PLCG2: variants seen among roughly 807,000 people sequenced by gnomAD.
PLCG2 encodes the protein 1-phosphatidylinositol 4,5-bisphosphate phosphodiesterase gamma-2.
PLCG2 carries 69 observed loss-of-function variants against 175.6 expected under a neutral mutation model. That is an observed-to-expected ratio of 0.39 (90% confidence interval 0.32 to 0.48). The LOEUF (loss-of-function observed/expected upper bound fraction) is 0.48. Among genes scored for constraint, PLCG2 ranks in the 20% least tolerant of loss-of-function variants. The pLI is 0.91. For synonymous variants in PLCG2, 827 were observed against 624.0 expected (o/e 1.33, Z -4.85); for missense variants, 1,798 against 1,650.9 (o/e 1.09, Z -1.54).
intron 9 of PLCG2, among the ~76,000 whole-genome samples, chr16:81,884,400 A>G (rs1347715310): frequency 6.6e-6 from 1 of 152,070 alleles, no homozygotes; most frequent in Non-Finnish European, 1.5e-5. Context: ...AAAAAAAGTC[A>G]AAGAAGTATT....
At chr16:81,830,877 A>G (rs1000321043) in intron 2 of PLCG2, among the ~76,000 whole-genome samples, 1 of 151,964 alleles carries the variant, frequency 6.6e-6, no homozygotes, top group Non-Finnish European at 1.5e-5. Context: ...CAGCGTGACT[A>G]GAATGTCCAG....
intron 17 of PLCG2, among the ~76,000 whole-genome samples, 183 bp downstream of exon 17, chr16:81,908,774 A>T (rs568023829): frequency 6.6e-6 from 1 of 152,176 alleles, no homozygotes; most frequent in African/African-American, 2.4e-5. Flanking sequence ...TCGGCACTGT[A>T]ACCCAGATTA....
At chr16:81,851,660 G>A (rs1906418127) in intron 2 of PLCG2, among the ~76,000 whole-genome samples, 2 of 152,186 alleles carry the variant, frequency 1.3e-5, no homozygotes, top group African/African-American at 4.8e-5. Context: ...CAACTGGCCT[G>A]TGCCACCAAG....
At chr16:81,760,528 G>C (rs1052162144) in intron 2 of PLCG2, among the ~76,000 whole-genome samples, 7 of 152,024 alleles carry the variant, frequency 4.6e-5, no homozygotes, top group Admixed American at 3.3e-4. Context: ...TTTTTCTTTG[G>C]CTAGGTGTGG....
chr16:81,753,483 A>G (rs2143070909), intron 1 of PLCG2, among the ~76,000 whole-genome samples: 1 of 147,306 alleles, frequency 6.8e-6, no homozygotes, highest in African/African-American at 2.5e-5. Context: ...CAGTAGTTGT[A>G]TCTTGGCTCA....
chr16:81,752,453 CGGCTGGCCGTGG>C (rs897717404), intron 1 of PLCG2, among the ~76,000 whole-genome samples: 4 of 152,152 alleles, frequency 2.6e-5, no homozygotes, highest in African/African-American at 9.7e-5. Context: ...GGGGTGGAGG[CGGCTGGCCGTGG>C]CAGCACTAAT....
At chr16:81,930,737 C>T (rs1474464101) in intron 24 of PLCG2, among the ~76,000 whole-genome samples, 1 of 105,350 alleles carries the variant, frequency 9.5e-6, no homozygotes, top group Non-Finnish European at 2.0e-5. Flanking sequence ...GACAGAGTGC[C>T]ACCCTGTCTC....
chr16:81,875,238 ACAGGTGTGAGCCAT>A (rs1374748548), intron 7 of PLCG2, among the ~76,000 whole-genome samples: 1 of 152,016 alleles, frequency 6.6e-6, no homozygotes, highest in Non-Finnish European at 1.5e-5. Flanking sequence ...TGCTGGGATT[ACAGGTGTGAGCCAT>A]CATGCCCAAC....
intron 2 of PLCG2, among the ~76,000 whole-genome samples, chr16:81,829,177 C>T (rs1010929089): frequency 6.6e-6 from 1 of 152,146 alleles, no homozygotes; most frequent in African/African-American, 2.4e-5. Flanking sequence ...GGCACGATCT[C>T]GGCTCACTGC....
At chr16:81,792,716 C>T (rs897069749) in intron 2 of PLCG2, among the ~76,000 whole-genome samples, 1 of 151,936 alleles carries the variant, frequency 6.6e-6, no homozygotes, top group Non-Finnish European at 1.5e-5. Flanking sequence ...AACTATCAGC[C>T]CTCATGAGAA....
At chr16:81,766,862 C>G (rs1287908951) in intron 2 of PLCG2, 6 of 152,208 alleles carry the variant, frequency 3.9e-5, no homozygotes, top group African/African-American at 1.4e-4. Context: ...GCCTGGTTCC[C>G]TTCTCCCACC....
intron 10 of PLCG2, among the ~76,000 whole-genome samples, chr16:81,889,963 G>T (rs954971181): frequency 5.3e-5 from 8 of 151,450 alleles, no homozygotes; most frequent in African/African-American, 1.9e-4. Flanking sequence ...CGGAGGCTAG[G>T]GTTTTTTTTT....
intron 2 of PLCG2, among the ~76,000 whole-genome samples, chr16:81,853,147 A>G (rs1906503297): frequency 6.6e-6 from 1 of 152,188 alleles, no homozygotes. Context: ...CCTGGCCAAC[A>G]TGATGAAACC....
intron 13 of PLCG2, among the ~76,000 whole-genome samples, chr16:81,899,264 A>ATGTGTG (rs200982591): frequency 2.4e-4 from 32 of 132,158 alleles, no homozygotes; most frequent in African/African-American, 8.3e-4. Flanking sequence ...CAGGAGGAGT[A>ATGTGTG]TGTGTGTATA....
intron 2 of PLCG2, among the ~76,000 whole-genome samples, chr16:81,832,819 C>T (rs948434343): frequency 6.6e-6 from 1 of 152,240 alleles, no homozygotes; most frequent in Non-Finnish European, 1.5e-5. Context: ...GCCATCCTTG[C>T]AGCTAGTGGG....
chr16:81,922,909 G>C (rs1442305698), intron 21 of PLCG2, among the ~76,000 whole-genome samples: 1 of 152,154 alleles, frequency 6.6e-6, no homozygotes, highest in Non-Finnish European at 1.5e-5. Context: ...ACCACCTTTT[G>C]ATGAATTTCA....
At chr16:81,942,148 C>T (rs1472866037) in intron 30 of PLCG2, among the ~76,000 whole-genome samples, 1 of 152,144 alleles carries the variant, frequency 6.6e-6, no homozygotes, top group African/African-American at 2.4e-5. Flanking sequence ...AGAGGGGCAG[C>T]TGTGCTGAAA....
intron 13 of PLCG2, among the ~76,000 whole-genome samples, chr16:81,899,289 T>TATATATATATATATATATATATACACAC (rs908648451): frequency 1.1e-5 from 1 of 92,420 alleles, no homozygotes; most frequent in African/African-American, 3.8e-5. Context: ...TATATATATA[T>TATATATATATATATATATATATACACAC]ACACACACAC....
intron 1 of PLCG2, among the ~76,000 whole-genome samples, chr16:81,748,877 C>A (rs1234637245): frequency 6.6e-6 from 1 of 152,160 alleles, no homozygotes; most frequent in Non-Finnish European, 1.5e-5. Flanking sequence ...CTCAGAGAGG[C>A]TCGGTGAGAT....
Sources: allele counts gnomAD v4.1 joint callset (sites outside exome capture counted in the v4.1 genomes callset), GRCh38; gene constraint gnomAD v4.1.1; transcripts MANE v1.5; gene names NCBI Gene and HGNC (gene_info 2026-07-23, HGNC 2026-07-21).